Variants in ATP10B observed in about 807,000 individuals in gnomAD.
The protein encoded by ATP10B is ATPase phospholipid transporting 10B (putative).
In ATP10B, 122 loss-of-function variants were observed where a neutral mutation model predicts 141.2. That is an observed-to-expected ratio of 0.86 (90% CI 0.75 to 1.00). ATP10B has a LOEUF of 1.00. ATP10B is among the 50% of genes least tolerant of loss of function. The pLI, the probability that ATP10B is intolerant of heterozygous loss-of-function variation, is 0.00. For synonymous variants in ATP10B, 685 were observed against 692.0 expected, an observed-to-expected ratio of 0.99 and a Z score of 0.16; for missense variants, 1,876 against 1,825.3, an observed-to-expected ratio of 1.03 and a Z score of -0.51.
rs143515748 is a variant in ATP10B, at chr5:160,687,772, A to T, written c.275+28T>A. The T allele has an allele frequency of 1.2e-4, 199 of 1,597,262 alleles. 1 individual carries two copies. The African/African-American group carries it at 2.3e-3, about 19-fold the overall frequency. On this transcript the variant is annotated intron_variant, in intron 5 of 25. Transcript: ENST00000327245. ...AGAATGAGACTCTTTCTCTAAAAAG[A>T]GTATTGTTCAGACAAGTGGATCTCT...
intron 18 of ATP10B, chr5:160,611,968 A>G (rs1757744031): frequency 1.3e-5 from 2 of 152,220 alleles, no homozygotes; most frequent in African/African-American, 4.8e-5. Context: ...ACCTTCTGCA[A>G]TTTGAATTGT....
chr5:160,691,740 C>T (rs1349507274), intron 3 of ATP10B: 2 of 152,142 alleles, frequency 1.3e-5, no homozygotes, highest in African/African-American at 2.4e-5. Context: ...TCATAGCTTT[C>T]GTCAATCCAA....
At chr5:160,611,124 GT>G (rs1478741065) in intron 18 of ATP10B, among the ~76,000 whole-genome samples, 2 of 152,122 alleles carry the variant, frequency 1.3e-5, no homozygotes, top group African/African-American at 2.4e-5. Flanking sequence ...AATCTTACAG[GT>G]TTAGTGAGCC....
At chr5:160,774,919 C>A (rs1433766417) in intron 2 of ATP10B, among the ~76,000 whole-genome samples, 1 of 152,140 alleles carries the variant, frequency 6.6e-6, no homozygotes, top group Non-Finnish European at 1.5e-5. Context: ...GGGAGTGTAA[C>A]TATGAGCCAT....
rs576182237 is a variant in ATP10B at position 160,658,627 on chromosome 5, C to G, written c.676-9371G>C. Among the ~76,000 whole-genome samples the G allele has an allele frequency of 9.9e-5, 15 of 152,270 alleles. No individual in the cohort carries two copies. The South Asian group carries it at 3.1e-3, about 32-fold the overall frequency. On this transcript the variant is annotated intron_variant, in intron 7 of 25. Transcript: ENST00000327245. The stretch of plus-strand genomic sequence containing the variant: ...AATGGGTACATTGTACCAGCCAGGC[C>G]AGGCAGTACGTTTCCCCAGGATGCT...
intron 1 of ATP10B, among the ~76,000 whole-genome samples, chr5:160,810,743 A>G (rs1003282963): frequency 3.9e-4 from 59 of 152,326 alleles, no homozygotes; most frequent in African/African-American, 1.3e-3. Context: ...AGATGCATGA[A>G]AATTTTAGAT....
At position 160,810,904 on chromosome 5, in the gene ATP10B, C is replaced by G. The variant is rs147320103; in HGVS notation, c.-575-25101G>C. ...AACTTTATCCTATTTGGGGTTTGTT[C>G]AACTTGTTGGATTTGTAATTTTATA... On this transcript the variant is annotated intron_variant, in intron 1 of 25. Coordinates refer to ENST00000327245, the MANE Select transcript of ATP10B (RefSeq NM_025153.3). 6.9e-3 allele frequency among the ~76,000 whole-genome samples: 1,046 copies of G among 152,138 alleles called. 6 individuals carry two copies. Among genetic ancestry groups the G allele is most frequent in the Non-Finnish European group, 6.7e-3 (458 of 68,000 alleles).
chr5:160,587,683 T>C (rs1329260603), intron 24 of ATP10B, among the ~76,000 whole-genome samples: 1 of 152,232 alleles, frequency 6.6e-6, no homozygotes, highest in African/African-American at 2.4e-5. Flanking sequence ...TTTATTCTCT[T>C]TGTAGCAATT....
intron 1 of ATP10B, among the ~76,000 whole-genome samples, chr5:160,811,354 A>T (rs1449735008): frequency 7.9e-5 from 12 of 152,110 alleles, no homozygotes; most frequent in Admixed American, 6.6e-4. Context: ...GCTACAGGGG[A>T]GTAGAGAACC....
intron 1 of ATP10B, among the ~76,000 whole-genome samples, chr5:160,792,590 T>C (rs1313868196): frequency 6.6e-6 from 1 of 152,166 alleles, no homozygotes; most frequent in African/African-American, 2.4e-5. Context: ...AGCAGTCACC[T>C]TGGACCCAGA....
At chr5:160,659,324 G>A (rs943924255) in intron 7 of ATP10B, among the ~76,000 whole-genome samples, 1 of 151,986 alleles carries the variant, frequency 6.6e-6, no homozygotes, top group Non-Finnish European at 1.5e-5. Flanking sequence ...AATTAGCCGG[G>A]TATGGTAGTG....
chr5:160,707,449 G>A (rs1765084539), intron 3 of ATP10B, among the ~76,000 whole-genome samples: 1 of 152,176 alleles, frequency 6.6e-6, no homozygotes, highest in African/African-American at 2.4e-5. Context: ...CATTTGAGAT[G>A]CTGAAGGGAC....
At position 160,618,051 on chromosome 5, in the gene ATP10B, C is replaced by T. The variant is rs546754142; in HGVS notation, c.2417-78G>A. The stretch of plus-strand genomic sequence containing the variant: ...CCCATCCCCAATACCCTGGAATCTC[C>T]TGTAGTAGACTACAAATACTTTAGA... On this transcript the variant is annotated intron_variant, in intron 15 of 25. Transcript: ENST00000327245. 6 of 1,094,272 alleles carry T rather than the reference C, an allele frequency of 5.5e-6. No homozygotes were observed. In the Admixed American group the frequency reaches 8.6e-5, roughly 16 times the overall value. 67.8% of individuals were successfully genotyped at this position (1,094,272 alleles called of 1,614,324 possible). A position where few individuals can be genotyped will look rare whatever the true frequency, so the allele number is the denominator to read the frequency against.
intron 3 of ATP10B, among the ~76,000 whole-genome samples, chr5:160,709,700 C>A (rs1765243634): frequency 1.5e-5 from 2 of 133,630 alleles, no homozygotes; most frequent in African/African-American, 5.7e-5. Context: ...TGCTGGTGCG[C>A]TGCACCCACT....
At chr5:160,824,514 T>C (rs1252025584) in intron 1 of ATP10B, among the ~76,000 whole-genome samples, 4 of 152,144 alleles carry the variant, frequency 2.6e-5, no homozygotes, top group Non-Finnish European at 4.4e-5. Flanking sequence ...ATCTGAGAAA[T>C]GTCATTAGGT....
At position 160,588,478 on chromosome 5, in the gene ATP10B, G is replaced by A. The variant is rs190242893; in HGVS notation, c.3750+1114C>T. The stretch of plus-strand genomic sequence containing the variant: ...TGGGGCTATTTTCCAAATTTTTAAT[G>A]CTTGTACTTCCAGAAAGCCATCTGA... On this transcript the variant is annotated intron_variant, in intron 24 of 25. Transcript: ENST00000327245. 2.6e-5 allele frequency among the ~76,000 whole-genome samples: 4 copies of A among 152,242 alleles called. No individual in the cohort carries two copies. The East Asian group carries it at 7.7e-4, about 29-fold the overall frequency.
chr5:160,875,348 A>C, the ATP10B span, among the ~76,000 whole-genome samples: 2 of 90,120 alleles, frequency 2.2e-5, no homozygotes, highest in African/African-American at 5.8e-5. Flanking sequence ...AGATTTTGTC[A>C]CCACCAGGCC....
chr5:160,864,253 A>G, the ATP10B span, among the ~76,000 whole-genome samples: 2 of 152,074 alleles, frequency 1.3e-5, no homozygotes, highest in African/African-American at 4.8e-5. Flanking sequence ...GTTTCATACC[A>G]GCCATGCAGG....
the ATP10B span, among the ~76,000 whole-genome samples, chr5:160,880,990 G>C: frequency 2.0e-5 from 3 of 152,066 alleles, no homozygotes; most frequent in African/African-American, 7.2e-5. Context: ...AACATCAAGA[G>C]AATGAGAAGA....
Sources: gnomAD v4.1 joint callset for allele counts (sites outside exome capture counted in the v4.1 genomes callset) on GRCh38, gnomAD v4.1.1 for gene constraint, MANE v1.5 for transcripts, NCBI Gene and HGNC (gene_info 2026-07-23, HGNC 2026-07-21) for gene names.